CCNB1: variants seen among roughly 807,000 people sequenced by gnomAD.
The protein encoded by CCNB1 is G2/mitotic-specific cyclin-B1.
In CCNB1, 26 loss-of-function variants were observed where a neutral mutation model predicts 44.4. That is an observed-to-expected ratio of 0.59 (90% CI 0.43 to 0.81). The LOEUF (loss-of-function observed/expected upper bound fraction) is 0.81. Ranked by LOEUF, CCNB1 falls within the 40% of genes least tolerant of loss-of-function variation. The probability of loss-of-function intolerance (pLI) is 0.00; values close to 1 mark genes in which losing one functional copy is unlikely to be tolerated. For synonymous variants in CCNB1, 195 were observed against 181.4 expected (o/e 1.08, Z -0.60); for missense variants, 477 against 520.9 (o/e 0.92, Z 0.82).
At chr5:69,169,317 A>C (rs890175901) in intron 3 of CCNB1, among the ~76,000 whole-genome samples, 1 of 152,146 alleles carries the variant, frequency 6.6e-6, no homozygotes, top group Non-Finnish European at 1.5e-5. Context: ...TCGGCCTCCG[A>C]AAGTGCTGGG....
Position 69,171,223 on chromosome 5 carries a change from T to C in CCNB1, c.364-47T>C, listed in dbSNP as rs958450831. On this transcript the variant is annotated intron_variant, in intron 3 of 8. Coordinates refer to ENST00000256442, the MANE Select transcript of CCNB1 (RefSeq NM_031966.4). ...TAACCTGAACTTCATGCCCAAACTA[T>C]AGTGCTTACTTCTATTTGCTATTTC... 4 of 1,465,600 alleles carry C rather than the reference T, an allele frequency of 2.7e-6. No homozygotes were observed. In the African/African-American group the frequency reaches 4.2e-5, roughly 15 times the overall value. The allele number at this position is 1,465,600 out of a possible 1,614,324, so 90.8% of individuals were successfully genotyped here. A position where few individuals can be genotyped will look rare whatever the true frequency, so the allele number is the denominator to read the frequency against.
At chr5:69,174,545 C>T (rs1253313772) in intron 5 of CCNB1, 136 bp downstream of exon 5, 8 of 802,906 alleles carry the variant, frequency 1.0e-5, no homozygotes, top group African/African-American at 3.4e-5. Context: ...GTTAGGAGAT[C>T]GAGACCATCC....
chr5:69,169,718 T>C (rs922610290), intron 3 of CCNB1, among the ~76,000 whole-genome samples: 6 of 152,084 alleles, frequency 3.9e-5, no homozygotes, highest in Non-Finnish European at 7.4e-5. Context: ...AGTGGTGCCA[T>C]CTTGGCTCAC....
intron 5 of CCNB1, 77 bp downstream of exon 5, chr5:69,174,486 G>C: frequency 7.2e-7 from 1 of 1,385,888 alleles, no homozygotes; most frequent in Non-Finnish European, 1.0e-6. Context: ...AGGCCAGTCT[G>C]GGCGCAGTGG....
Position 69,175,096 on chromosome 5 carries a change from G to A in CCNB1, c.925G>A (p.Ala309Thr). The A allele has an allele frequency of 1.2e-6, 2 of 1,612,868 alleles. No individual in the cohort carries two copies. Among genetic ancestry groups the A allele is most frequent in the East Asian group, 2.2e-5 (1 of 44,868 alleles). Residue 309 changes from alanine to threonine, a missense_variant, in exon 6 of 9, where the codon GCA becomes ACA. Ala to Thr is a moderately conservative substitution (Grantham distance 58). Coordinates refer to ENST00000256442, the MANE Select transcript of CCNB1 (RefSeq NM_031966.4). ...TCTACCTTTGCACTTCCTTCGGAGA[G>A]CATCTAAGATTGGAGAGGTACAGGT... is the stretch of plus-strand genomic sequence containing the variant. Reference protein sequence around the residue: ...RPLPLHFLRRASKIGEVDVEQ... With the variant: ...RPLPLHFLRRTSKIGEVDVEQ...
intron 3 of CCNB1, among the ~76,000 whole-genome samples, chr5:69,170,261 G>A (rs564235238): frequency 1.0e-3 from 153 of 152,228 alleles, no homozygotes; most frequent in African/African-American, 3.5e-3. Flanking sequence ...GATTACAAGC[G>A]TGAGCCACCA....
At chr5:69,176,540 A>AT (rs199557367) in intron 7 of CCNB1, among the ~76,000 whole-genome samples, 21,037 of 145,664 alleles carry the variant, frequency 0.14, 2,226 homozygotes, top group African/African-American at 0.29. Flanking sequence ...ATATATATAT[A>AT]TATTTTTTTT....
Position 69,167,295 on chromosome 5 carries a change from C to A in CCNB1, c.21+12C>A. On this transcript the variant is annotated intron_variant, in intron 1 of 8. Transcript: ENST00000256442. The stretch of plus-strand genomic sequence containing the variant: ...TCCGAGTCACCAGGGTGAGCCGCTT[C>A]GGACTGCGAACTAACGCGGCCTTCT... 1 of 1,598,070 alleles carries A rather than the reference C, an allele frequency of 6.3e-7. No homozygotes were observed.
chr5:69,172,672 A>T (rs1383633662), intron 4 of CCNB1, among the ~76,000 whole-genome samples: 1 of 151,606 alleles, frequency 6.6e-6, no homozygotes, highest in East Asian at 1.9e-4. Flanking sequence ...CTTTGCCAGG[A>T]GCAGCCTTCT....
chr5:69,175,514 A>G lies in CCNB1; in HGVS notation c.1060A>G (p.Lys354Glu). The G allele has an allele frequency of 5.6e-6, 9 of 1,614,154 alleles. No individual in the cohort carries two copies. Among genetic ancestry groups the G allele is most frequent in the Non-Finnish European group, 7.6e-6 (9 of 1,180,008 alleles). ...IAAGAFCLALKILDNGEWTPT... is the reference protein window; with the variant it reads ...IAAGAFCLALEILDNGEWTPT... ...AGCAGGAGCTTTTTGCTTAGCACTG[A>G]AAATTCTGGATAATGGTGAATGGGT... The change falls in exon 7 of 9, where the codon AAA (lysine) becomes GAA (glutamate). Residue 354 changes from lysine to glutamate, a missense_variant. Lys to Glu is a moderately conservative substitution (Grantham distance 56). Transcript: ENST00000256442.
At position 69,177,716 on chromosome 5, in the gene CCNB1, T is replaced by G. The variant is rs1179959771; in HGVS notation, c.*85T>G. On this transcript the variant is annotated 3_prime_UTR_variant, in exon 9 of 9. Coordinates refer to ENST00000256442, the MANE Select transcript of CCNB1 (RefSeq NM_031966.4). The stretch of plus-strand genomic sequence containing the variant: ...GTACATATTACTGTTGCATTTACTT[T>G]TAATAAAGCTTGTGGCCCCTTTTAC... 4 of 779,852 alleles carry G rather than the reference T, an allele frequency of 5.1e-6. No homozygotes were observed. The African/African-American group carries it at 5.2e-5, about 10-fold the overall frequency. 48.3% of individuals were successfully genotyped at this position (779,852 alleles called of 1,614,324 possible).
chr5:69,170,931 T>C (rs1310618216), intron 3 of CCNB1, among the ~76,000 whole-genome samples: 1 of 152,082 alleles, frequency 6.6e-6, no homozygotes, highest in Non-Finnish European at 1.5e-5. Flanking sequence ...TTCTTTTTAA[T>C]TGAGGAATTA....
At chr5:69,168,132 T>G in intron 2 of CCNB1, 41 bp from the exon 3 acceptor site, 1 of 1,611,400 alleles carries the variant, frequency 6.2e-7, no homozygotes, top group Non-Finnish European at 8.5e-7. Flanking sequence ...AACTGTGGCC[T>G]TTGATGCAGA....
intron 7 of CCNB1, among the ~76,000 whole-genome samples, chr5:69,175,970 A>G (rs968303718): frequency 1.4e-4 from 17 of 120,980 alleles, no homozygotes; most frequent in Non-Finnish European, 2.5e-4. Context: ...CATCTTTACA[A>G]AAAATATATA....
At chr5:69,176,077 G>C (rs375285) in intron 7 of CCNB1, among the ~76,000 whole-genome samples, 63,475 of 146,520 alleles carry the variant, frequency 0.43, 13,874 homozygotes, top group South Asian at 0.55. Context: ...TTGTAGACAT[G>C]GGGTCTCTCT....
At chr5:69,167,490 G>T (rs754156234) in intron 1 of CCNB1, 1 of 583,650 alleles carries the variant, frequency 1.7e-6, no homozygotes, top group Non-Finnish European at 3.1e-6. Flanking sequence ...AGGAAGGTGA[G>T]AAAGAGAACT....
intron 5 of CCNB1, 126 bp downstream of exon 5, chr5:69,174,535 G>T: frequency 4.6e-6 from 4 of 878,162 alleles, no homozygotes; most frequent in Non-Finnish European, 7.1e-6. Flanking sequence ...GGATCACAAG[G>T]TTAGGAGATC....
In CCNB1 at chr5:69,175,021, C is replaced by G; in HGVS notation, c.850C>G (p.Gln284Glu). Residue 284 changes from glutamine to glutamate, a missense_variant, in exon 6 of 9, where the codon CAG becomes GAG. Gln to Glu is a conservative substitution (Grantham distance 29, BLOSUM62 2). Transcript: ENST00000256442. ...DNTYTKHQIR[Q>E]MEMKILRALN... ...CACTTATACTAAGCACCAAATCAGA[C>G]AGATGGAAATGAAGATTCTAAGAGC... The G allele has an allele frequency of 6.2e-7, 1 of 1,614,162 alleles. No homozygotes were observed. Among genetic ancestry groups the G allele is most frequent in the Non-Finnish European group, 8.5e-7 (1 of 1,180,012 alleles).
At chr5:69,175,982 AAT>A (rs68140968) in intron 7 of CCNB1, among the ~76,000 whole-genome samples, 18,450 of 116,102 alleles carry the variant, frequency 0.16, 1,548 homozygotes, top group East Asian at 0.23. Flanking sequence ...AAATATATAA[AAT>A]ATATATATAT....
Sources: allele counts gnomAD v4.1 joint callset (sites outside exome capture counted in the v4.1 genomes callset), GRCh38; gene constraint gnomAD v4.1.1; transcripts MANE v1.5; gene names NCBI Gene and HGNC (gene_info 2026-07-23, HGNC 2026-07-21).